The following PTPRN2 variants were observed in gnomAD, a reference collection of about 807,000 sequenced individuals.
The protein encoded by PTPRN2 is protein tyrosine phosphatase receptor type N2.
Under a neutral mutation model 118.8 loss-of-function variants are expected in PTPRN2, and 74 were observed. The observed-to-expected ratio is 0.62, with a 90% CI of 0.52 to 0.76. The LOEUF (loss-of-function observed/expected upper bound fraction) is 0.76. Among genes scored for constraint, PTPRN2 ranks in the 30% least tolerant of loss-of-function variants. PTPRN2 has a pLI of 0.00. For missense variants in PTPRN2, 1,481 were observed against 1,394.4 expected (o/e 1.06, Z -0.99); for synonymous variants, 641 against 608.0 (o/e 1.05, Z -0.80).
At chr7:158,043,943 C>T (rs568406359) in intron 11 of PTPRN2, among the ~76,000 whole-genome samples, 19 of 152,324 alleles carry the variant, frequency 1.2e-4, no homozygotes, top group African/African-American at 4.3e-4. Flanking sequence ...ACCTAACGTA[C>T]GCTGACCACG....
intron 11 of PTPRN2, among the ~76,000 whole-genome samples, chr7:157,997,832 A>T (rs1034437709): frequency 1.2e-4 from 5 of 40,702 alleles, no homozygotes; most frequent in Non-Finnish European, 2.3e-4. Context: ...TGCACGGGAG[A>T]GGAGTGCAGG....
At chr7:158,300,782 G>C (rs1800836046) in intron 3 of PTPRN2, among the ~76,000 whole-genome samples, 1 of 152,108 alleles carries the variant, frequency 6.6e-6, no homozygotes, top group Non-Finnish European at 1.5e-5. Context: ...CGTGTGGAGG[G>C]AGGGGAGGTG....
At chr7:158,268,687 G>A (rs1459999203) in intron 3 of PTPRN2, among the ~76,000 whole-genome samples, 1 of 144,988 alleles carries the variant, frequency 6.9e-6, no homozygotes. Context: ...TGCACACAGA[G>A]AGGGTGTGAA....
intron 2 of PTPRN2, among the ~76,000 whole-genome samples, chr7:158,368,122 T>C (rs1400340499): frequency 2.6e-5 from 4 of 152,184 alleles, no homozygotes; most frequent in Admixed American, 2.6e-4. Flanking sequence ...CCACTGCATA[T>C]CTAAGTCAGA....
intron 17 of PTPRN2, among the ~76,000 whole-genome samples, chr7:157,581,042 ACCTGCACACCC>A (rs201085990): frequency 1.7e-3 from 102 of 59,542 alleles, no homozygotes; most frequent in Middle Eastern, 0.014. Context: ...ACACCCCAGC[ACCTGCACACCC>A]CCTGCACACC....
intron 11 of PTPRN2, among the ~76,000 whole-genome samples, chr7:158,072,328 C>T (rs372599273): frequency 1.3e-5 from 2 of 152,254 alleles, no homozygotes; most frequent in African/African-American, 4.8e-5. Flanking sequence ...GACTCAGATG[C>T]CAGCCTTGCC....
chr7:157,670,786 C>A (rs779390111), intron 13 of PTPRN2, among the ~76,000 whole-genome samples: 3 of 152,202 alleles, frequency 2.0e-5, no homozygotes, highest in African/African-American at 4.8e-5. Context: ...CTTGAGAGGC[C>A]CCACAGGCTG....
rs1799150840 is a variant in PTPRN2, at chr7:157,560,821, C to T, written c.2902+8081G>A. On this transcript the variant is annotated intron_variant, in intron 21 of 22. Coordinates refer to ENST00000389418, the MANE Select transcript of PTPRN2 (RefSeq NM_002847.5). This position sits in a 1 kb window ranked among gnomAD's most constrained non-coding sequence, Gnocchi z 6.7. ...CAACGTGTCTGTGAGGTCCCTTTCC[C>T]ACTGGCCCTTCGTGTTTTCATGTTT... is the stretch of plus-strand genomic sequence containing the variant. 6.6e-6 allele frequency among the ~76,000 whole-genome samples: 1 copy of T among 152,176 alleles called. No homozygotes were observed. The highest frequency in any genetic ancestry group is 1.5e-5 in the Non-Finnish European group (1 of 68,026).
At chr7:158,043,651 C>T (rs1808633677) in intron 11 of PTPRN2, among the ~76,000 whole-genome samples, 1 of 152,208 alleles carries the variant, frequency 6.6e-6, no homozygotes, top group Non-Finnish European at 1.5e-5. Context: ...ATTAAAGAGG[C>T]CAATTTCTGA....
rs139081257 is a variant in PTPRN2, at chr7:158,384,596, A to G, written c.164-67664T>C. 2.4e-3 allele frequency among the ~76,000 whole-genome samples: 367 copies of G among 152,326 alleles called. 1 individual carries two copies. Among genetic ancestry groups the G allele is most frequent in the African/African-American group, 8.3e-3 (344 of 41,562 alleles). ...ACTGCTTAAGCCAAGACAGATGAGT[A>G]TAATGTAGAGAAACCCTGTATTACA... On this transcript the variant is annotated intron_variant, in intron 2 of 22. Transcript: ENST00000389418.
intron 11 of PTPRN2, among the ~76,000 whole-genome samples, chr7:158,075,716 C>T (rs558048942): frequency 1.3e-5 from 2 of 152,372 alleles, no homozygotes; most frequent in East Asian, 3.9e-4. Context: ...TGGTGCTTCC[C>T]TCTGAGCATC....
At chr7:158,262,207 G>A (rs1417192267) in intron 3 of PTPRN2, among the ~76,000 whole-genome samples, 1 of 152,154 alleles carries the variant, frequency 6.6e-6, no homozygotes, top group Non-Finnish European at 1.5e-5. Context: ...TGTAAACACA[G>A]ACACAAGCAT....
chr7:158,471,568 G>A (rs907262514), intron 2 of PTPRN2, among the ~76,000 whole-genome samples: 24 of 152,076 alleles, frequency 1.6e-4, no homozygotes, highest in African/African-American at 3.6e-4. Flanking sequence ...GGTGCCTGTA[G>A]TCCCAGCTAC....
intron 12 of PTPRN2, among the ~76,000 whole-genome samples, chr7:157,818,008 T>C (rs1289866101): frequency 6.6e-6 from 1 of 151,940 alleles, no homozygotes; most frequent in African/African-American, 2.4e-5. Flanking sequence ...GCGTGGGGCA[T>C]GTGTGCGGTG....
intron 2 of PTPRN2, among the ~76,000 whole-genome samples, chr7:158,340,687 A>G (rs1355392720): frequency 1.1e-5 from 1 of 91,842 alleles, no homozygotes; most frequent in African/African-American, 4.0e-5. Context: ...CTCTCACCAT[A>G]AGAGGTGAAA....
chr7:158,180,885 A>T (rs1045392908), intron 5 of PTPRN2, among the ~76,000 whole-genome samples: 1 of 152,134 alleles, frequency 6.6e-6, no homozygotes, highest in Non-Finnish European at 1.5e-5. Flanking sequence ...TCATTGGCAA[A>T]CAGCAATAGT....
At chr7:157,567,856 G>A (rs909020290) in intron 21 of PTPRN2, among the ~76,000 whole-genome samples, 30 of 152,216 alleles carry the variant, frequency 2.0e-4, no homozygotes, top group South Asian at 1.2e-3. Context: ...AGTAAGTGTC[G>A]GAGGCGCCAA....
intron 12 of PTPRN2, among the ~76,000 whole-genome samples, chr7:157,890,072 A>G (rs1278197605): frequency 1.4e-5 from 2 of 144,584 alleles, no homozygotes; most frequent in African/African-American, 2.6e-5. Context: ...ATTTTAAGTC[A>G]GTTTTTTTTT....
At chr7:158,510,805 G>T (rs1823121641) in intron 1 of PTPRN2, among the ~76,000 whole-genome samples, 1 of 152,234 alleles carries the variant, frequency 6.6e-6, no homozygotes, top group Non-Finnish European at 1.5e-5. Context: ...TGAATGTAAA[G>T]AATAAGCCGA....
Sources: gnomAD v4.1 joint callset for allele counts (sites outside exome capture counted in the v4.1 genomes callset) on GRCh38, gnomAD v4.1.1 for gene constraint, Gnocchi (gnomAD v3.1) non-coding constraint, MANE v1.5 for transcripts, NCBI Gene and HGNC (gene_info 2026-07-23, HGNC 2026-07-21) for gene names.